Variants in EGFR observed in about 807,000 individuals in gnomAD.
EGFR encodes the protein epidermal growth factor receptor, also known as avian erythroblastic leukemia viral (v-erb-b) oncogene homolog.
EGFR carries 58 observed loss-of-function variants against 143.0 expected under a neutral mutation model. The ratio of observed to expected loss-of-function variants is 0.41; its 90% CI spans 0.33 to 0.50. The LOEUF is 0.50. Ranked by LOEUF, EGFR falls within the 20% of genes least tolerant of loss-of-function variation. The pLI is 0.39. For synonymous variants in EGFR, 613 were observed against 594.4 expected, an observed-to-expected ratio of 1.03 and a Z score of -0.45; for missense variants, 1,307 against 1,579.0, an observed-to-expected ratio of 0.83 and a Z score of 2.92.
At chr7:55,190,378 C>T (rs185575338) in intron 20 of EGFR, among the ~76,000 whole-genome samples, 5 of 152,216 alleles carry the variant, frequency 3.3e-5, no homozygotes, top group Admixed American at 2.6e-4. Context: ...TCACAAACGG[C>T]GCCCAAAGAC....
intron 1 of EGFR, among the ~76,000 whole-genome samples, chr7:55,134,519 G>A (rs1395451611): frequency 6.6e-6 from 1 of 152,222 alleles, no homozygotes; most frequent in African/African-American, 2.4e-5. Flanking sequence ...CTGCCTGCCA[G>A]GGCAAAGGGT....
In EGFR at chr7:55,154,035, G is replaced by T; in HGVS notation, c.772G>T (p.Ala258Ser). ...CLVCRKFRDE[A>S]TCKDTCPPLM... ...GGTCTGCCGCAAATTCCGAGACGAA[G>T]CCACGTGCAAGGACACCTGCCCCCC... Residue 258 changes from alanine to serine, a missense_variant, in exon 7 of 28, where the codon GCC (alanine) becomes TCC (serine). Ala to Ser is a moderately conservative substitution (Grantham distance 99, BLOSUM62 1). Transcript: ENST00000275493. 1 of 1,614,180 alleles carries T rather than the reference G, an allele frequency of 6.2e-7. No homozygotes were observed. The highest frequency in any genetic ancestry group is 8.5e-7 in the Non-Finnish European group (1 of 1,180,040).
intron 1 of EGFR, among the ~76,000 whole-genome samples, chr7:55,140,646 C>T (rs1314768827): frequency 1.3e-5 from 2 of 152,140 alleles, no homozygotes; most frequent in African/African-American, 2.4e-5. Flanking sequence ...CCTCATTTCC[C>T]CCATACTCCT....
chr7:55,110,886 T>G (rs12668175), intron 1 of EGFR, among the ~76,000 whole-genome samples: 11,735 of 152,194 alleles, frequency 0.077, 913 homozygotes, highest in East Asian at 0.43. Context: ...GGGAGTGATT[T>G]CATTTTCCAT....
chr7:55,166,165 A>G (rs866730485), intron 15 of EGFR: 9 of 374,852 alleles, frequency 2.4e-5, no homozygotes, highest in South Asian at 2.0e-4. Flanking sequence ...AAACAAAAAC[A>G]AAAAAAAAAG....
chr7:55,087,279 A>C (rs918509444), intron 1 of EGFR, among the ~76,000 whole-genome samples: 1 of 138,340 alleles, frequency 7.2e-6, no homozygotes, highest in Non-Finnish European at 1.6e-5. Context: ...TTGTTAAAAA[A>C]AAAACAAAAA....
intron 1 of EGFR, among the ~76,000 whole-genome samples, chr7:55,062,648 A>G (rs1256103831): frequency 6.6e-6 from 1 of 152,088 alleles, no homozygotes; most frequent in African/African-American, 2.4e-5. Context: ...AGAGTCCCAT[A>G]TTACTGCACG....
chr7:55,127,372 C>T (rs1225694367), intron 1 of EGFR, among the ~76,000 whole-genome samples: 5 of 152,108 alleles, frequency 3.3e-5, no homozygotes, highest in Non-Finnish European at 5.9e-5. Flanking sequence ...AAAATTGATG[C>T]GCTTTTTCCA....
At chr7:55,019,720 C>T (rs1015950166) in intron 1 of EGFR, among the ~76,000 whole-genome samples, 1 of 152,270 alleles carries the variant, frequency 6.6e-6, no homozygotes, top group South Asian at 2.1e-4. Context: ...AAGCCGGGTG[C>T]TGGTGGGCGC....
Position 55,202,598 on chromosome 7 carries a change from A to G in EGFR, c.3244A>G (p.Ile1082Val), listed in dbSNP as rs371229748. 3.7e-6 allele frequency: 6 copies of G among 1,613,510 alleles called. No individual in the cohort carries two copies. In the South Asian group the frequency reaches 5.5e-5, roughly 15 times the overall value. ...CACAGGCGCCTTGACTGAGGACAGC[A>G]TAGACGACACCTTCCTCCCAGTGCC... Reference protein sequence around the residue: ...DPTGALTEDSIDDTFLPVPEY... With the variant: ...DPTGALTEDSVDDTFLPVPEY... Residue 1082 changes from isoleucine (I) to valine (V), a missense_variant, in exon 27 of 28, where the codon ATA becomes GTA. Ile to Val is a conservative substitution (Grantham distance 29). Around this residue, in one of 7 missense-constraint regions of EGFR, gnomAD observed 313 missense variants for 312.3 expected, o/e 1.00. Transcript: ENST00000275493.
chr7:55,037,894 TATTTGGCTACATGCTGG>T lies in EGFR; in HGVS notation c.88+18530_88+18546del, dbSNP rs575087031. 1.9e-3 allele frequency among the ~76,000 whole-genome samples: 290 copies of T among 152,296 alleles called. 1 individual carries two copies. The highest frequency in any genetic ancestry group is 6.7e-3 in the African/African-American group (278 of 41,550). On this transcript the variant is annotated intron_variant, in intron 1 of 27. Transcript: ENST00000275493. ...GAATGCTGATTCTAACTAAGAAGGA[TATTTGGCTACATGCTGG>T]GAAGAGGGGTACTGAGGCACGCCGC...
rs1554311534 is a variant in EGFR at position 55,027,991 on chromosome 7, A to AAATATATAT, written c.88+8627_88+8628insATATATATA. On this transcript the variant is annotated intron_variant, in intron 1 of 27. Transcript: ENST00000275493. Reference sequence around the variant, plus strand: ...GCCTTTATGTAAAAAAAAAAAAAAAAATATATATATATATATATATATATA... The same window carrying AAATATATAT: ...GCCTTTATGTAAAAAAAAAAAAAAAAAATATATATATATATATATATATATATATATATA... Among the ~76,000 whole-genome samples the AAATATATAT allele has an allele frequency of 3.2e-3, 178 of 54,946 alleles. 2 individuals are homozygous for AAATATATAT. Among genetic ancestry groups the AAATATATAT allele is most frequent in the South Asian group, 4.3e-3 (5 of 1,162 alleles). 36.0% of individuals were successfully genotyped at this position (54,946 alleles called of 152,430 possible).
intron 11 of EGFR, among the ~76,000 whole-genome samples, chr7:55,159,379 T>TG (rs1562769872): frequency 6.6e-6 from 1 of 151,924 alleles, no homozygotes; most frequent in Non-Finnish European, 1.5e-5. Context: ...GCTGAGGACA[T>TG]CCCCCCTTCG....
chr7:55,043,767 A>G (rs186467539), intron 1 of EGFR: 4 of 152,432 alleles, frequency 2.6e-5, no homozygotes, highest in African/African-American at 9.6e-5. Context: ...AGCCAAGTCA[A>G]CTTATCTATC....
intron 1 of EGFR, among the ~76,000 whole-genome samples, chr7:55,112,166 C>T (rs1315517849): frequency 6.6e-6 from 1 of 152,256 alleles, no homozygotes; most frequent in Admixed American, 6.5e-5. Context: ...CCAGCTTAGA[C>T]AGCAGTTCTG....
At chr7:55,090,399 C>A (rs1791041328) in intron 1 of EGFR, among the ~76,000 whole-genome samples, 1 of 152,182 alleles carries the variant, frequency 6.6e-6, no homozygotes. Context: ...CCAAAAAGCC[C>A]CTGACCTCGG....
chr7:55,114,479 C>T (rs1329953517), intron 1 of EGFR, among the ~76,000 whole-genome samples: 1 of 152,008 alleles, frequency 6.6e-6, no homozygotes, highest in East Asian at 1.9e-4. Flanking sequence ...CAGTGAGACC[C>T]TGTTTCTAAA....
chr7:55,068,472 T>A (rs1381563435), intron 1 of EGFR, among the ~76,000 whole-genome samples: 1 of 152,218 alleles, frequency 6.6e-6, no homozygotes, highest in Non-Finnish European at 1.5e-5. Context: ...GCAATGGTTT[T>A]CTTCAGAGAT....
intron 1 of EGFR, among the ~76,000 whole-genome samples, chr7:55,079,291 A>G (rs867622621): frequency 1.3e-5 from 2 of 152,196 alleles, no homozygotes; most frequent in Non-Finnish European, 2.9e-5. Flanking sequence ...AGAGCCAGGC[A>G]TGCACACTCA....
Sources: allele counts gnomAD v4.1 joint callset (sites outside exome capture counted in the v4.1 genomes callset), GRCh38; gene constraint gnomAD v4.1.1; regional missense constraint gnomAD v4.1.1; transcripts MANE v1.5; gene names NCBI Gene and HGNC (gene_info 2026-07-23, HGNC 2026-07-21).